The following GAREM1 variants were observed in gnomAD, a reference collection of about 807,000 sequenced individuals.
The protein encoded by GAREM1 is GRB2-associated and regulator of MAPK protein 1.
A neutral mutation model predicts 71.3 loss-of-function variants in GAREM1; 26 were observed. That is an observed-to-expected ratio of 0.36 (90% confidence interval 0.27 to 0.51). The LOEUF (loss-of-function observed/expected upper bound fraction) is 0.51, where lower values mean the gene tolerates loss of function less well. Among genes scored for constraint, GAREM1 ranks in the 20% least tolerant of loss-of-function variants. GAREM1 has a pLI of 0.95. For synonymous variants in GAREM1, 440 were observed against 433.2 expected, an observed-to-expected ratio of 1.02 and a Z score of -0.20; for missense variants, 1,026 against 1,103.1, an observed-to-expected ratio of 0.93 and a Z score of 0.99.
intron 2 of GAREM1, among the ~76,000 whole-genome samples, chr18:32,378,475 G>A (rs898251576): frequency 1.7e-4 from 26 of 151,032 alleles, no homozygotes; most frequent in African/African-American, 6.3e-4. Context: ...ATTCCAGCCT[G>A]GGCAACAGAG....
intron 1 of GAREM1, among the ~76,000 whole-genome samples, chr18:32,393,494 A>T (rs1169154473): frequency 1.3e-5 from 2 of 152,188 alleles, no homozygotes; most frequent in African/African-American, 4.8e-5. Context: ...CAGATTTAAT[A>T]AACTGAAAAG....
chr18:32,439,716 T>C (rs1021668355), intron 1 of GAREM1, among the ~76,000 whole-genome samples: 17 of 152,046 alleles, frequency 1.1e-4, no homozygotes, highest in South Asian at 2.1e-4. Flanking sequence ...CGAGAGGTCA[T>C]TGATTGACAT....
At position 32,268,450 on chromosome 18, in the gene GAREM1, G is replaced by T; in HGVS notation, c.2052C>A (p.Val684=). 6.2e-7 allele frequency: 1 copy of T among 1,614,178 alleles called. No individual in the cohort carries two copies. The highest frequency in any genetic ancestry group is 1.1e-5 in the South Asian group (1 of 91,074). The change falls in exon 6 of 6, where the codon GTC becomes GTA. Residue 684 remains valine (V), a synonymous_variant. Transcript: ENST00000269209. ...AGACGCTGCTACTGAATTCTGCAGT[G>T]ACTGGGCTAGTGGGGCTGGCCAGGA... ...CELLASPTSP[V]TAEFSSSVSG...
rs375128710 is a variant in GAREM1, at chr18:32,287,270, C to T, written c.1327G>A (p.Ala443Thr). Residue 443 changes from alanine to threonine, a missense_variant, in exon 4 of 6, where the codon GCA becomes ACA. Ala to Thr is a moderately conservative substitution (Grantham distance 58, BLOSUM62 0). Around this residue, in one of 3 missense-constraint regions of GAREM1, gnomAD observed 636 missense variants for 631.2 expected, o/e 1.01. Coordinates refer to ENST00000269209, the MANE Select transcript of GAREM1 (RefSeq NM_001242409.2). The surrounding 1 kb of genome is among the most constrained non-coding windows in gnomAD (Gnocchi z 5.9). ...YLFPEASEES[A>T]GIPGKSELPY... ...AGTTCTGACTTTCCCGGGATGCCTG[C>T]TGATTCTTCACTAGCTTCTGGGAAA... 11 of 1,614,206 alleles carry T rather than the reference C, an allele frequency of 6.8e-6. No individual in the cohort carries two copies. The South Asian group carries it at 1.2e-4, about 18-fold the overall frequency.
At chr18:32,402,531 C>G (rs1389493622) in intron 1 of GAREM1, among the ~76,000 whole-genome samples, 2 of 152,116 alleles carry the variant, frequency 1.3e-5, no homozygotes, top group Non-Finnish European at 2.9e-5. Context: ...TCCTGAGCCA[C>G]TTTTCTGATC....
chr18:32,349,701 C>T lies in GAREM1; in HGVS notation c.263-39378G>A, dbSNP rs558207392. Among the ~76,000 whole-genome samples the T allele has an allele frequency of 3.3e-5, 5 of 152,164 alleles. No homozygotes were observed. In the East Asian group the frequency reaches 7.7e-4, roughly 23 times the overall value. ...AACTAGCAAATCTGACTGGTTTCAC[C>T]AACTGATAAACTTTTGGTCATTCTG... On this transcript the variant is annotated intron_variant, in intron 2 of 5. Transcript: ENST00000269209.
At chr18:32,315,538 T>G (rs1451276817) in intron 2 of GAREM1, among the ~76,000 whole-genome samples, 1 of 147,670 alleles carries the variant, frequency 6.8e-6, no homozygotes, top group Non-Finnish European at 1.5e-5. Flanking sequence ...TAAAAGTAGA[T>G]ATATATATAT....
chr18:32,391,576 G>C (rs1385949491), intron 2 of GAREM1, among the ~76,000 whole-genome samples: 1 of 152,148 alleles, frequency 6.6e-6, no homozygotes, highest in Non-Finnish European at 1.5e-5. Context: ...CACAAAGACA[G>C]AAACAGAATT....
At chr18:32,311,797 G>C (rs891342975) in intron 2 of GAREM1, among the ~76,000 whole-genome samples, 1 of 152,234 alleles carries the variant, frequency 6.6e-6, no homozygotes, top group Non-Finnish European at 1.5e-5. Context: ...CTTTTAAGGA[G>C]TTGCACTCTT....
In GAREM1 at chr18:32,430,814, G is replaced by A. The variant is rs180761381; in HGVS notation, c.122-37779C>T. On this transcript the variant is annotated intron_variant, in intron 1 of 5. Coordinates refer to ENST00000269209, the MANE Select transcript of GAREM1 (RefSeq NM_001242409.2). Reference sequence around the variant, plus strand: ...CAAGAGTATGGGGCAAATAACTGTTGCTTTTTAAATCTCTTTGTACTCTTG... The same window carrying A: ...CAAGAGTATGGGGCAAATAACTGTTACTTTTTAAATCTCTTTGTACTCTTG... Among the ~76,000 whole-genome samples, 658 of 152,332 alleles carry A rather than the reference G, an allele frequency of 4.3e-3. 3 individuals are homozygous for A. The highest frequency in any genetic ancestry group is 0.014 in the Middle Eastern group (4 of 294).
intron 3 of GAREM1, among the ~76,000 whole-genome samples, chr18:32,295,136 C>T (rs923327842): frequency 6.6e-5 from 10 of 152,080 alleles, no homozygotes; most frequent in African/African-American, 2.4e-4. Flanking sequence ...ATGATCTCGG[C>T]TCGCTGCAAC....
intron 3 of GAREM1, among the ~76,000 whole-genome samples, chr18:32,309,549 A>G (rs1319663564): frequency 3.4e-5 from 5 of 145,536 alleles, no homozygotes; most frequent in African/African-American, 5.1e-5. Context: ...CAGGGAGGCG[A>G]AGCTTGCAGT....
intron 2 of GAREM1, among the ~76,000 whole-genome samples, chr18:32,381,469 A>C (rs536600571): frequency 5.6e-4 from 86 of 152,280 alleles, no homozygotes; most frequent in African/African-American, 2.0e-3. Flanking sequence ...AAGTTTTAAA[A>C]ATTTCTCAGA....
chr18:32,304,877 T>C (rs985236551), intron 3 of GAREM1, among the ~76,000 whole-genome samples: 13 of 152,064 alleles, frequency 8.5e-5, no homozygotes, highest in Admixed American at 7.2e-4. Flanking sequence ...AATATATGGC[T>C]TGAAAATTGT....
chr18:32,301,311 T>G (rs1349548491), intron 3 of GAREM1, among the ~76,000 whole-genome samples: 1 of 152,206 alleles, frequency 6.6e-6, no homozygotes, highest in Non-Finnish European at 1.5e-5. Flanking sequence ...TTATGGAGTT[T>G]GAAGGAGTTC....
chr18:32,385,292 C>T (rs1294571918), intron 2 of GAREM1, among the ~76,000 whole-genome samples: 1 of 151,850 alleles, frequency 6.6e-6, no homozygotes, highest in Non-Finnish European at 1.5e-5. Context: ...TCCTTCCTTG[C>T]TGTCTACCTT....
intron 2 of GAREM1, among the ~76,000 whole-genome samples, chr18:32,313,732 CG>C (rs1218734681): frequency 6.6e-6 from 1 of 151,926 alleles, no homozygotes; most frequent in East Asian, 1.9e-4. Context: ...TAGGGAATTG[CG>C]AAGTGGAATG....
chr18:32,344,195 G>A (rs2047673562), intron 2 of GAREM1, among the ~76,000 whole-genome samples: 1 of 152,134 alleles, frequency 6.6e-6, no homozygotes, highest in Admixed American at 6.6e-5. Flanking sequence ...ACTGTAGGCT[G>A]TTTCTTTAGG....
intron 3 of GAREM1, among the ~76,000 whole-genome samples, chr18:32,294,049 A>T (rs2047114986): frequency 6.6e-6 from 1 of 152,244 alleles, no homozygotes; most frequent in South Asian, 2.1e-4. Context: ...GATTAACATG[A>T]AATAAAGAGA....
Sources: gnomAD v4.1 joint callset for allele counts (sites outside exome capture counted in the v4.1 genomes callset) on GRCh38, gnomAD v4.1.1 for gene constraint, gnomAD v4.1.1 regional missense constraint, Gnocchi (gnomAD v3.1) non-coding constraint, MANE v1.5 for transcripts, NCBI Gene and HGNC (gene_info 2026-07-23, HGNC 2026-07-21) for gene names.